Variants in MAD1L1 observed in about 807,000 individuals in gnomAD.
MAD1L1 encodes the protein mitotic arrest deficient 1 like 1.
In MAD1L1, 95 loss-of-function variants were observed where a neutral mutation model predicts 96.9. That is an observed-to-expected ratio of 0.98 (90% CI 0.83 to 1.16). The LOEUF (loss-of-function observed/expected upper bound fraction) is 1.16. Ranked by LOEUF, MAD1L1 falls within the 50% of genes most tolerant of loss-of-function variation. The pLI, the probability that MAD1L1 is intolerant of heterozygous loss-of-function variation, is 0.00. For synonymous variants in MAD1L1, 473 were observed against 396.6 expected (o/e 1.19, Z -2.29); for missense variants, 1,007 against 954.4 (o/e 1.06, Z -0.73).
At position 2,069,323 on chromosome 7, in the gene MAD1L1, C is replaced by T; in HGVS notation, c.1089G>A (p.Glu363=). 1.2e-6 allele frequency: 2 copies of T among 1,602,338 alleles called. No individual in the cohort carries two copies. Among genetic ancestry groups the T allele is most frequent in the Non-Finnish European group, 8.5e-7 (1 of 1,177,026 alleles). The part of the protein sequence containing the change: ...SAVTSSARGL[E]KARQQLQEEL... ...CCTCCTGCAGCTGCTGCCTGGCCTT[C>T]TCCAGCCCCCGGGCGCTGCATGGGA... is the stretch of plus-strand genomic sequence containing the variant. The change falls in exon 12 of 19, where the codon GAG becomes GAA. Residue 363 remains glutamate (E), a synonymous_variant. Transcript: ENST00000265854.
chr7:2,230,657 G>A lies in MAD1L1; in HGVS notation c.-119C>T, dbSNP rs150834181. 1.1e-3 allele frequency: 177 copies of A among 155,482 alleles called. No individual in the cohort carries two copies. Among genetic ancestry groups the A allele is most frequent in the African/African-American group, 3.9e-3 (164 of 41,630 alleles). The allele number at this position is 155,482 out of a possible 1,614,324, so 9.6% of individuals were successfully genotyped here. On this transcript the variant is annotated 5_prime_UTR_variant, in exon 2 of 19. Coordinates refer to ENST00000265854, the MANE Select transcript of MAD1L1 (RefSeq NM_001013836.2). ...AGGCCTCAGAGCCAGGGGTCCGATGGTGTAATTCTCAGTTCGAGGGGCTGC... is the reference window on the plus strand; with the variant it reads ...AGGCCTCAGAGCCAGGGGTCCGATGATGTAATTCTCAGTTCGAGGGGCTGC...
intron 18 of MAD1L1, among the ~76,000 whole-genome samples, chr7:1,818,206 G>C (rs1234101080): frequency 2.6e-5 from 4 of 152,100 alleles, no homozygotes; most frequent in Non-Finnish European, 5.9e-5. Flanking sequence ...AGTGTGGGAA[G>C]AAGTCTCCTC....
At chr7:1,978,046 C>T (rs181077829) in intron 15 of MAD1L1, among the ~76,000 whole-genome samples, 5 of 152,382 alleles carry the variant, frequency 3.3e-5, no homozygotes, top group East Asian at 3.9e-4. Flanking sequence ...CAGACCTTCC[C>T]GATGCGCTGC....
At chr7:2,215,086 T>C (rs1181055686) in intron 9 of MAD1L1, among the ~76,000 whole-genome samples, 1 of 151,744 alleles carries the variant, frequency 6.6e-6, no homozygotes, top group Non-Finnish European at 1.5e-5. Flanking sequence ...AATTTAACAT[T>C]TAAAAAGCCT....
chr7:2,200,131 G>C (rs752507026), intron 10 of MAD1L1: 2 of 152,400 alleles, frequency 1.3e-5, no homozygotes, highest in African/African-American at 4.8e-5. Context: ...GGTGAAGAGC[G>C]GGACCAAGGC....
intron 17 of MAD1L1, among the ~76,000 whole-genome samples, chr7:1,902,383 G>C (rs1037103910): frequency 5.9e-5 from 9 of 152,332 alleles, no homozygotes; most frequent in Admixed American, 5.2e-4. Flanking sequence ...TGGCAGGGCA[G>C]GGAGAGCCAG....
intron 11 of MAD1L1, among the ~76,000 whole-genome samples, chr7:2,143,715 T>C (rs1006160519): frequency 1.5e-4 from 23 of 152,180 alleles, no homozygotes; most frequent in Admixed American, 4.6e-4. Context: ...ATGCCAGCCT[T>C]GTGGCTTCAG....
intron 5 of MAD1L1, among the ~76,000 whole-genome samples, chr7:2,222,177 G>C (rs1022410575): frequency 6.6e-6 from 1 of 151,544 alleles, no homozygotes; most frequent in Admixed American, 6.6e-5. Context: ...GGGTTCAAGC[G>C]ATTCTCCTGC....
intron 18 of MAD1L1, among the ~76,000 whole-genome samples, chr7:1,832,666 C>T (rs1782765023): frequency 1.7e-5 from 1 of 59,650 alleles, no homozygotes; most frequent in Admixed American, 2.4e-4. Context: ...GAGTCGTGCT[C>T]TGTTGCCCAG....
At chr7:1,833,511 G>A (rs887094623) in intron 18 of MAD1L1, among the ~76,000 whole-genome samples, 4 of 152,174 alleles carry the variant, frequency 2.6e-5, no homozygotes, top group African/African-American at 7.2e-5. Flanking sequence ...TAAAAGCTTC[G>A]CAAACATTAT....
rs1038287458 is a variant in MAD1L1, at chr7:1,857,179, G to A, written c.1999-40951C>T. 3.9e-5 allele frequency among the ~76,000 whole-genome samples: 6 copies of A among 152,330 alleles called. No individual in the cohort carries two copies. In the East Asian group the frequency reaches 7.7e-4, roughly 20 times the overall value. On this transcript the variant is annotated intron_variant, in intron 18 of 18. Transcript: ENST00000265854. The stretch of plus-strand genomic sequence containing the variant: ...AGCCACGGTTTCTTAGGCAAGAGCC[G>A]CGAGCGCGGACCGTACTGGCACCTT...
intron 15 of MAD1L1, among the ~76,000 whole-genome samples, chr7:1,973,288 T>C (rs1242360618): frequency 2.6e-5 from 4 of 152,166 alleles, no homozygotes; most frequent in Non-Finnish European, 4.4e-5. Flanking sequence ...TTCTAACTGT[T>C]ATTTGGCTTG....
chr7:2,060,270 G>A (rs1490293942), intron 12 of MAD1L1, among the ~76,000 whole-genome samples: 9 of 149,040 alleles, frequency 6.0e-5, no homozygotes, highest in South Asian at 2.2e-4. Context: ...GAGATACGCC[G>A]ATGCCGAGAT....
intron 18 of MAD1L1, among the ~76,000 whole-genome samples, chr7:1,818,468 G>A (rs542971778): frequency 1.3e-5 from 2 of 152,146 alleles, no homozygotes; most frequent in East Asian, 3.9e-4. Context: ...ACTCAGCCTC[G>A]AGCTCCCGGA....
At position 2,066,841 on chromosome 7, in the gene MAD1L1, A is replaced by G. The variant is rs924399521; in HGVS notation, c.1218+2353T>C. Among the ~76,000 whole-genome samples, 31 of 152,260 alleles carry G rather than the reference A, an allele frequency of 2.0e-4. 1 individual carries two copies. The highest frequency in any genetic ancestry group is 2.9e-5 in the Non-Finnish European group (2 of 68,040). On this transcript the variant is annotated intron_variant, in intron 12 of 18. Transcript: ENST00000265854. ...TCGCGTGGGTCACAGGCTGCAGGCC[A>G]GACCCAGCACACAAGAACACTCAGG...
intron 10 of MAD1L1, among the ~76,000 whole-genome samples, chr7:2,192,098 G>C (rs755673418): frequency 6.6e-6 from 1 of 151,672 alleles, no homozygotes; most frequent in Admixed American, 6.6e-5. Flanking sequence ...GGTGGAGGTA[G>C]CACGTTAAAT....
intron 11 of MAD1L1, among the ~76,000 whole-genome samples, chr7:2,097,231 C>A (rs1195998568): frequency 1.3e-5 from 2 of 151,996 alleles, no homozygotes; most frequent in Admixed American, 1.3e-4. Context: ...ACACCCCACC[C>A]CACGGCACCC....
chr7:1,924,202 C>G (rs1010139025), intron 17 of MAD1L1, among the ~76,000 whole-genome samples: 2 of 152,202 alleles, frequency 1.3e-5, no homozygotes, highest in Non-Finnish European at 2.9e-5. Context: ...TTCACAGTAT[C>G]TTAGAGATGA....
chr7:1,891,007 C>T (rs368237054), intron 18 of MAD1L1, among the ~76,000 whole-genome samples: 15 of 152,250 alleles, frequency 9.9e-5, no homozygotes, highest in East Asian at 5.8e-4. Context: ...ATCAGACAGA[C>T]GCCAGAAAGC....
Sources: allele counts gnomAD v4.1 joint callset (sites outside exome capture counted in the v4.1 genomes callset), GRCh38; gene constraint gnomAD v4.1.1; transcripts MANE v1.5; gene names NCBI Gene and HGNC (gene_info 2026-07-23, HGNC 2026-07-21).